Variants in LPAR6 observed in about 807,000 individuals in gnomAD.
LPAR6 encodes the protein lysophosphatidic acid receptor 6, also known as G-protein coupled purinergic receptor P2Y5.
LPAR6 carries 17 observed loss-of-function variants against 22.0 expected under a neutral mutation model. The ratio of observed to expected loss-of-function variants is 0.77; its 90% CI spans 0.53 to 1.16. The LOEUF (loss-of-function observed/expected upper bound fraction) is 1.16. LPAR6 is among the 50% of genes most tolerant of loss of function. LPAR6 has a pLI of 0.00. For synonymous variants in LPAR6, 136 were observed against 139.8 expected, an observed-to-expected ratio of 0.97 and a Z score of 0.19; for missense variants, 384 against 406.9, an observed-to-expected ratio of 0.94 and a Z score of 0.48.
chr13:48,416,202 G>A (rs1183659519), upstream of LPAR6: 2 of 152,224 alleles, frequency 1.3e-5, no homozygotes, highest in African/African-American at 4.8e-5. Flanking sequence ...GCAGAAGGTG[G>A]GTGATTTCTC....
chr13:48,395,843 C>G (rs1948643738), intron 1 of LPAR6, among the ~76,000 whole-genome samples: 1 of 152,094 alleles, frequency 6.6e-6, no homozygotes, highest in Non-Finnish European at 1.5e-5. Flanking sequence ...CCCAACCCAA[C>G]AAAACAGGCC....
chr13:48,423,390 A>G (rs1805106537), intron 1 of LPAR6, among the ~76,000 whole-genome samples: 1 of 152,052 alleles, frequency 6.6e-6, no homozygotes, highest in Non-Finnish European at 1.5e-5. Flanking sequence ...TCTCAGGTAT[A>G]ATAGATCAAG....
At chr13:48,418,611 G>T (rs1445120552) in intron 2 of LPAR6, among the ~76,000 whole-genome samples, 1 of 151,462 alleles carries the variant, frequency 6.6e-6, no homozygotes, top group African/African-American at 2.4e-5. Context: ...AAAGAGTCAA[G>T]ACCCATCAGT....
At chr13:48,443,014 T>A (rs1238002596) in intron 1 of LPAR6, among the ~76,000 whole-genome samples, 1 of 152,048 alleles carries the variant, frequency 6.6e-6, no homozygotes, top group Non-Finnish European at 1.5e-5. Flanking sequence ...AATTAATAAA[T>A]CCACTTTGAA....
At chr13:48,426,003 T>C (rs1470614248) in intron 1 of LPAR6, among the ~76,000 whole-genome samples, 1 of 152,170 alleles carries the variant, frequency 6.6e-6, no homozygotes, top group Non-Finnish European at 1.5e-5. Flanking sequence ...TCCTTATACA[T>C]GTTTGTATAA....
At chr13:48,422,832 C>A (rs1221351894) in intron 1 of LPAR6, 1 of 152,040 alleles carries the variant, frequency 6.6e-6, no homozygotes, top group African/African-American at 2.4e-5. Flanking sequence ...CCTACATATA[C>A]AACCAATTCA....
intron 1 of LPAR6, among the ~76,000 whole-genome samples, chr13:48,443,360 T>C (rs531505291): frequency 2.8e-4 from 43 of 152,116 alleles, no homozygotes; most frequent in African/African-American, 1.0e-3. Context: ...TTCATTTGCT[T>C]TTTTATTTTT....
chr13:48,431,108 A>T (rs1949125215), upstream of LPAR6, among the ~76,000 whole-genome samples: 1 of 148,796 alleles, frequency 6.7e-6, no homozygotes, highest in African/African-American at 2.4e-5. Flanking sequence ...GTTAAATGAC[A>T]AATTATGGAA....
intron 1 of LPAR6, among the ~76,000 whole-genome samples, chr13:48,424,433 A>G (rs1489566401): frequency 2.0e-5 from 3 of 152,244 alleles, no homozygotes; most frequent in East Asian, 3.8e-4. Flanking sequence ...TTAAAGGGTG[A>G]TGAATGATGA....
intron 2 of LPAR6, among the ~76,000 whole-genome samples, chr13:48,418,486 C>T (rs527863502): frequency 1.3e-5 from 2 of 152,200 alleles, no homozygotes; most frequent in East Asian, 3.9e-4. Context: ...AACTAATGGG[C>T]AAACTAACTG....
chr13:48,440,322 G>A (rs1233330830), intron 1 of LPAR6, among the ~76,000 whole-genome samples: 3 of 152,152 alleles, frequency 2.0e-5, no homozygotes, highest in East Asian at 1.9e-4. Context: ...AAATTTGGGA[G>A]ATAACTTTTG....
Position 48,423,305 on chromosome 13 carries a change from T to C in LPAR6, c.-1094-515A>G, listed in dbSNP as rs183773712. Among the ~76,000 whole-genome samples the C allele has an allele frequency of 1.1e-4, 17 of 152,204 alleles. No homozygotes were observed. The South Asian group carries it at 2.7e-3, about 24-fold the overall frequency. ...TTTTTGTGTTTTTGAGACGGAGTCTTGCTCTGTCATCCAGGCTGGAGTGCA... is the reference window on the plus strand; with the variant it reads ...TTTTTGTGTTTTTGAGACGGAGTCTCGCTCTGTCATCCAGGCTGGAGTGCA... On this transcript the variant is annotated intron_variant, in intron 1 of 4. Transcript: ENST00000345941.
intron 1 of LPAR6, among the ~76,000 whole-genome samples, chr13:48,393,343 G>A (rs564445809): frequency 1.2e-3 from 186 of 152,166 alleles, no homozygotes; most frequent in African/African-American, 4.2e-3. Flanking sequence ...TCTTCAACTG[G>A]GGGACCACTG....
intron 2 of LPAR6, among the ~76,000 whole-genome samples, chr13:48,419,586 ATGAAT>A (rs1246474189): frequency 6.6e-6 from 1 of 152,210 alleles, no homozygotes; most frequent in African/African-American, 2.4e-5. Context: ...CAAAAAATCA[ATGAAT>A]CCAGGAGCTG....
intron 1 of LPAR6, chr13:48,391,344 T>C (rs1304314881): frequency 2.0e-5 from 3 of 152,218 alleles, no homozygotes; most frequent in Non-Finnish European, 4.4e-5. Context: ...CAATTATCTC[T>C]TAAAGAGAAT....
downstream of LPAR6, chr13:48,406,554 A>G (rs1477638164): frequency 1.3e-5 from 2 of 152,166 alleles, no homozygotes. Context: ...TGTCTCCCCT[A>G]CCTTGAAATT....
intron 1 of LPAR6, among the ~76,000 whole-genome samples, chr13:48,400,910 T>A (rs1948686218): frequency 6.6e-6 from 1 of 152,116 alleles, no homozygotes; most frequent in Non-Finnish European, 1.5e-5. Flanking sequence ...TGGCTTACTA[T>A]AAGTACAGAG....
At chr13:48,433,524 G>C (rs1156741646) in intron 1 of LPAR6, among the ~76,000 whole-genome samples, 1 of 152,004 alleles carries the variant, frequency 6.6e-6, no homozygotes, top group African/African-American at 2.4e-5. Flanking sequence ...GAGAATTTCT[G>C]CCACTAAATA....
At chr13:48,423,055 G>A (rs534999234) in intron 1 of LPAR6, among the ~76,000 whole-genome samples, 13 of 152,086 alleles carry the variant, frequency 8.5e-5, no homozygotes, top group South Asian at 8.3e-4. Context: ...ACTTGGGCCC[G>A]GGAGATTGAG....
Sources: allele counts gnomAD v4.1 joint callset (sites outside exome capture counted in the v4.1 genomes callset), GRCh38; gene constraint gnomAD v4.1.1; transcripts MANE v1.5; gene names NCBI Gene and HGNC (gene_info 2026-07-23, HGNC 2026-07-21).